The following CSMD3 variants were observed in gnomAD, a reference collection of about 807,000 sequenced individuals.
The protein encoded by CSMD3 is CUB and Sushi multiple domains 3.
A neutral mutation model predicts 435.2 loss-of-function variants in CSMD3; 177 were observed. The ratio of observed to expected loss-of-function variants is 0.41; its 90% CI spans 0.36 to 0.46. The LOEUF (loss-of-function observed/expected upper bound fraction) is 0.46. Among genes scored for constraint, CSMD3 ranks in the 20% least tolerant of loss-of-function variants. The probability of loss-of-function intolerance (pLI) is 0.34; values close to 1 mark genes in which losing one functional copy is unlikely to be tolerated. For synonymous variants in CSMD3, 1,656 were observed against 1,520.5 expected, an observed-to-expected ratio of 1.09 and a Z score of -2.07; for missense variants, 4,265 against 4,504.6, an observed-to-expected ratio of 0.95 and a Z score of 1.52.
At chr8:113,111,762 G>C (rs936754719) in intron 4 of CSMD3, among the ~76,000 whole-genome samples, 2 of 152,030 alleles carry the variant, frequency 1.3e-5, no homozygotes, top group African/African-American at 4.8e-5. Flanking sequence ...GCTCACTGCA[G>C]CCTCTGCTTC....
intron 1 of CSMD3, among the ~76,000 whole-genome samples, chr8:113,427,486 T>TAA (rs56128600): frequency 6.2e-5 from 8 of 128,996 alleles, no homozygotes; most frequent in Admixed American, 7.8e-5. Flanking sequence ...CAATTATGTC[T>TAA]AAAAAAAAAA....
chr8:113,125,253 G>T (rs1236873867), intron 4 of CSMD3, among the ~76,000 whole-genome samples: 1 of 151,934 alleles, frequency 6.6e-6, no homozygotes, highest in East Asian at 1.9e-4. Flanking sequence ...GAAGTGGACT[G>T]GGCCCACTGG....
chr8:112,246,448 T>A (rs955136988), intron 64 of CSMD3, among the ~76,000 whole-genome samples: 2 of 152,208 alleles, frequency 1.3e-5, no homozygotes, highest in Non-Finnish European at 2.9e-5. Context: ...TAGAATTCAT[T>A]TCTAATTGTA....
At chr8:112,879,066 G>C (rs2081372672) in intron 10 of CSMD3, among the ~76,000 whole-genome samples, 1 of 152,110 alleles carries the variant, frequency 6.6e-6, no homozygotes, top group Non-Finnish European at 1.5e-5. Flanking sequence ...TCAGGGAACA[G>C]GGGAGATAAC....
intron 1 of CSMD3, among the ~76,000 whole-genome samples, chr8:113,328,282 CA>C: frequency 6.6e-6 from 1 of 150,964 alleles, no homozygotes; most frequent in South Asian, 2.1e-4. Flanking sequence ...ACTAAAAATA[CA>C]AAAAATTAGC....
At chr8:112,538,578 A>G (rs1431796241) in intron 27 of CSMD3, among the ~76,000 whole-genome samples, 1 of 152,166 alleles carries the variant, frequency 6.6e-6, no homozygotes, top group Non-Finnish European at 1.5e-5. Context: ...AAAAAAAATC[A>G]TGAAATAAAT....
At chr8:113,347,434 C>T (rs1168742331) in intron 1 of CSMD3, among the ~76,000 whole-genome samples, 1 of 152,068 alleles carries the variant, frequency 6.6e-6, no homozygotes. Context: ...AGGTGAAAAT[C>T]AGGCGGTTTT....
rs1554668934 is a variant in CSMD3, at chr8:112,405,244, T to TATAC, written c.5809+1276_5809+1279dup. Among the ~76,000 whole-genome samples, 41 of 83,312 alleles carry TATAC rather than the reference T, an allele frequency of 4.9e-4. 1 individual carries two copies. The highest frequency in any genetic ancestry group is 1.9e-3 in the African/African-American group (37 of 19,042). The allele number at this position is 83,312 out of a possible 152,430, so 54.7% of individuals were successfully genotyped here. ...ATATATATATATATATATATATATA[T>TATAC]ATACATATATATATACACATATCTT... On this transcript the variant is annotated intron_variant, in intron 35 of 70. Transcript: ENST00000297405.
intron 1 of CSMD3, among the ~76,000 whole-genome samples, chr8:113,342,358 G>A (rs1395395160): frequency 1.3e-5 from 2 of 152,030 alleles, no homozygotes; most frequent in African/African-American, 2.4e-5. Context: ...GTAAATAGAC[G>A]TTATAGCTGA....
chr8:113,329,806 T>C lies in CSMD3; in HGVS notation c.179-15013A>G, dbSNP rs1398706150. Among the ~76,000 whole-genome samples, 3 of 151,780 alleles carry C rather than the reference T, an allele frequency of 2.0e-5. No individual in the cohort carries two copies. In the South Asian group the frequency reaches 6.2e-4, roughly 32 times the overall value. ...TTGTAGAATTACATGTTTAAAGGAA[T>C]GAAACAAGAGAACGTTAACAAGAAA... On this transcript the variant is annotated intron_variant, in intron 1 of 70. Coordinates refer to ENST00000297405, the MANE Select transcript of CSMD3 (RefSeq NM_198123.2).
At chr8:113,052,231 G>T (rs1354523029) in intron 5 of CSMD3, among the ~76,000 whole-genome samples, 1 of 152,124 alleles carries the variant, frequency 6.6e-6, no homozygotes, top group African/African-American at 2.4e-5. Context: ...TTAAAATTCT[G>T]ACCAAAGGAG....
chr8:113,410,147 T>C (rs1378446273), intron 1 of CSMD3, among the ~76,000 whole-genome samples: 1 of 152,152 alleles, frequency 6.6e-6, no homozygotes, highest in Non-Finnish European at 1.5e-5. Context: ...TGTAAGTTTG[T>C]TTTTGTTTGT....
At chr8:112,350,636 A>G (rs1826057421) in intron 40 of CSMD3, among the ~76,000 whole-genome samples, 1 of 152,112 alleles carries the variant, frequency 6.6e-6, no homozygotes, top group Admixed American at 6.6e-5. Context: ...AGGAAGAGAA[A>G]AAAAAGCATG....
In CSMD3 at chr8:112,335,330, G is replaced by A. The variant is rs61754528; in HGVS notation, c.7164C>T (p.His2388=). The A allele has an allele frequency of 4.7e-4, 755 of 1,613,466 alleles. 6 individuals carry two copies. The Middle Eastern group carries it at 0.013, about 28-fold the overall frequency. ...TAGGAACTCTCAGATAATACCAACC[G>A]TGATAACTGAGCACAAAAAAGCCAC... ...TTSGFFVLSY[H]AYQLRVCQPP... The change falls in exon 45 of 71, where the codon CAC becomes CAT. Residue 2388 remains histidine, a splice_region_variant and synonymous_variant. Coordinates refer to ENST00000297405, the MANE Select transcript of CSMD3 (RefSeq NM_198123.2).
At chr8:112,685,764 A>C in intron 14 of CSMD3, 32 bp from the exon 15 acceptor site, 1 of 1,256,496 alleles carries the variant, frequency 8.0e-7, no homozygotes, top group East Asian at 2.3e-5. Flanking sequence ...GAAATACAAT[A>C]AATATTCAAA....
intron 32 of CSMD3, among the ~76,000 whole-genome samples, chr8:112,454,129 G>C (rs139897020): frequency 6.6e-6 from 1 of 152,090 alleles, no homozygotes; most frequent in Non-Finnish European, 1.5e-5. Context: ...AACGTAAGAC[G>C]TCAAACTATA....
In CSMD3 at chr8:112,255,379, C is replaced by T. The variant is rs2130278985; in HGVS notation, c.9911G>A (p.Gly3304Asp). Residue 3304 changes from glycine (G) to aspartate (D), a missense_variant, in exon 62 of 71, where the codon GGC (glycine) becomes GAC (aspartate). This residue lies in a region of CSMD3 where 3,255 missense variants were observed against 3,380.2 expected (regional missense o/e 0.96). Transcript: ENST00000297405. ...CTCTGACTGGTATATAAAGCTTTTG[C>T]CTTCTCTTTTTCCTTGGGCAGGTAT... ...PGIPAQGKRE[G>D]KSFIYQSEVS... 6.2e-7 allele frequency: 1 copy of T among 1,613,646 alleles called. No homozygotes were observed. Among genetic ancestry groups the T allele is most frequent in the Non-Finnish European group, 8.5e-7 (1 of 1,179,772 alleles).
intron 38 of CSMD3, among the ~76,000 whole-genome samples, chr8:112,357,150 TTCCA>T (rs1429186251): frequency 6.6e-6 from 1 of 152,208 alleles, no homozygotes; most frequent in East Asian, 1.9e-4. Flanking sequence ...GAAGGGTAAG[TTCCA>T]GTCTGAGGTG....
At chr8:113,275,197 T>C (rs978430671) in intron 3 of CSMD3, among the ~76,000 whole-genome samples, 4 of 152,226 alleles carry the variant, frequency 2.6e-5, no homozygotes, top group East Asian at 3.9e-4. Context: ...AGAATTATTA[T>C]CTCAATTTTA....
Sources: gnomAD v4.1 joint callset for allele counts (sites outside exome capture counted in the v4.1 genomes callset) on GRCh38, gnomAD v4.1.1 for gene constraint, gnomAD v4.1.1 regional missense constraint, MANE v1.5 for transcripts, NCBI Gene and HGNC (gene_info 2026-07-23, HGNC 2026-07-21) for gene names.